The following NRROS variants were observed in gnomAD, a reference collection of about 807,000 sequenced individuals.
NRROS encodes negative regulator of reactive oxygen species, also known as transforming growth factor beta activator LRRC33.
Under a neutral mutation model 12.0 loss-of-function variants are expected in NRROS, and 6 were observed. That is an observed-to-expected ratio of 0.50 (90% CI 0.27 to 0.98). The LOEUF (loss-of-function observed/expected upper bound fraction) is 0.98. Among genes scored for constraint, NRROS ranks in the 50% least tolerant of loss-of-function variants. The pLI is 0.11. For missense variants in NRROS, 857 were observed against 888.2 expected, an observed-to-expected ratio of 0.96 and a Z score of 0.45; for synonymous variants, 462 against 410.2, an observed-to-expected ratio of 1.13 and a Z score of -1.53.
chr3:196,649,360 G>A (rs954828350), intron 1 of NRROS, among the ~76,000 whole-genome samples: 1 of 152,142 alleles, frequency 6.6e-6, no homozygotes, highest in Non-Finnish European at 1.5e-5. Context: ...GCCTCCATCC[G>A]GCACCGTGTG....
chr3:196,660,222 C>T lies in NRROS; in HGVS notation c.579C>T (p.Ile193=), dbSNP rs575336335. ...AGCTGGATCTGCAGAGGAACTACAT[C>T]TTCGAGATCGAGGGCGGCGCTTTCG... ...LRELDLQRNY[I]FEIEGGAFDG... The change falls in exon 3 of 3, where the codon ATC becomes ATT. Residue 193 remains isoleucine, a synonymous_variant. Transcript: ENST00000328557. The surrounding 1 kb of genome is among the most constrained non-coding windows in gnomAD (Gnocchi z 7.7). 14 of 1,613,608 alleles carry T rather than the reference C, an allele frequency of 8.7e-6. No individual in the cohort carries two copies. In the East Asian group the frequency reaches 2.9e-4, roughly 33 times the overall value.
intron 1 of NRROS, 141 bp downstream of exon 1, chr3:196,640,016 T>C (rs1350620737): frequency 6.6e-6 from 1 of 152,418 alleles, no homozygotes; most frequent in African/African-American, 2.4e-5. Context: ...TGTGGCTTGC[T>C]GCGTCCAAGC....
At position 196,660,821 on chromosome 3, in the gene NRROS, T is replaced by G; in HGVS notation, c.1178T>G (p.Leu393Arg). Residue 393 changes from leucine (L) to arginine (R), a missense_variant, in exon 3 of 3, where the codon CTG becomes CGG. Transcript: ENST00000328557. This position sits in a 1 kb window ranked among gnomAD's most constrained non-coding sequence, Gnocchi z 7.7. ...CACAACCAGCTGTCGGAGCTGCACCTGGCTCCGGGGCTGGCCAGCTGCCTG... is the reference window on the plus strand; with the variant it reads ...CACAACCAGCTGTCGGAGCTGCACCGGGCTCCGGGGCTGGCCAGCTGCCTG... ...LSHNQLSELH[L>R]APGLASCLGS... 1 of 1,613,694 alleles carries G rather than the reference T, an allele frequency of 6.2e-7. No individual in the cohort carries two copies. The highest frequency in any genetic ancestry group is 8.5e-7 in the Non-Finnish European group (1 of 1,180,036).
At chr3:196,647,551 G>A (rs983811655) in intron 1 of NRROS, among the ~76,000 whole-genome samples, 2 of 152,042 alleles carry the variant, frequency 1.3e-5, no homozygotes, top group Non-Finnish European at 2.9e-5. Context: ...GATCACAATC[G>A]GTTCTTTGCT....
chr3:196,640,258 C>A (rs975286251), intron 1 of NRROS, among the ~76,000 whole-genome samples: 2 of 152,204 alleles, frequency 1.3e-5, no homozygotes, highest in African/African-American at 4.8e-5. Context: ...GATGCTCCCT[C>A]CCTGGGCTGG....
At chr3:196,645,847 A>G (rs540699735) in intron 1 of NRROS, among the ~76,000 whole-genome samples, 1 of 152,188 alleles carries the variant, frequency 6.6e-6, no homozygotes, top group East Asian at 1.9e-4. Context: ...CACACGCTGC[A>G]GCTCCCAGGG....
Position 196,654,984 on chromosome 3 carries a change from C to T in NRROS, c.108+337C>T, listed in dbSNP as rs2108640774. 1 of 228,396 alleles carries T rather than the reference C, an allele frequency of 4.4e-6. No individual in the cohort carries two copies. The highest frequency in any genetic ancestry group is 6.7e-5 in the South Asian group (1 of 14,934). The allele number at this position is 228,396 out of a possible 1,614,324, so 14.1% of individuals were successfully genotyped here. A position where few individuals can be genotyped will look rare whatever the true frequency, so the allele number is the denominator to read the frequency against. On this transcript the variant is annotated intron_variant, in intron 2 of 2. Transcript: ENST00000328557. The surrounding 1 kb of genome is among the most constrained non-coding windows in gnomAD (Gnocchi z 4.4). ...GGGTGCAGTGGCTCAGGCCTGTAAT[C>T]CCAGCACTTTAGGAGGCCGAGGCAG...
chr3:196,659,887 C>G lies in NRROS; in HGVS notation c.244C>G (p.Leu82Val). The change falls in exon 3 of 3, where the codon CTC becomes GTC. Residue 82 changes from leucine (L) to valine (V), a missense_variant. By Grantham distance (32) the Leu-to-Val change is conservative (BLOSUM62 1). Transcript: ENST00000328557. ...LWNHSLQPYP[L>V]LESLSLHSCH... ...GAATCACTCCCTCCAGCCTTACCCT[C>G]TCCTGGAGAGCCTCAGCCTGCACAG... is the stretch of plus-strand genomic sequence containing the variant. 4 of 1,614,176 alleles carry G rather than the reference C, an allele frequency of 2.5e-6. No individual in the cohort carries two copies. Among genetic ancestry groups the G allele is most frequent in the Non-Finnish European group, 3.4e-6 (4 of 1,180,004 alleles).
rs750164907 is a variant in NRROS, at chr3:196,661,734, G to A, written c.*12G>A. On this transcript the variant is annotated 3_prime_UTR_variant, in exon 3 of 3. Transcript: ENST00000328557. ...CCTCCGTTTACTGACCTGGCTGTGT[G>A]CCAAGACTCGAAATTCGGTCCGCAC... 21 of 1,571,258 alleles carry A rather than the reference G, an allele frequency of 1.3e-5. No individual in the cohort carries two copies. The Admixed American group carries it at 3.4e-4, about 26-fold the overall frequency.
chr3:196,651,628 G>A (rs1210371210), intron 1 of NRROS, among the ~76,000 whole-genome samples: 5 of 152,132 alleles, frequency 3.3e-5, no homozygotes, highest in African/African-American at 4.8e-5. Context: ...TTAGCCAGGC[G>A]TGGTGGCGTG....
chr3:196,650,047 C>T (rs1032680855), intron 1 of NRROS, among the ~76,000 whole-genome samples: 2 of 152,110 alleles, frequency 1.3e-5, no homozygotes, highest in African/African-American at 4.8e-5. Context: ...TCACTCTGGC[C>T]GGGATAACAA....
chr3:196,658,636 C>G (rs1026039183), intron 2 of NRROS, among the ~76,000 whole-genome samples: 1 of 152,182 alleles, frequency 6.6e-6, no homozygotes, highest in African/African-American at 2.4e-5. Context: ...TAAACTTGTG[C>G]AAACGAATGC....
At chr3:196,657,136 C>T (rs1289939419) in intron 2 of NRROS, among the ~76,000 whole-genome samples, 2 of 150,710 alleles carry the variant, frequency 1.3e-5, no homozygotes, top group Non-Finnish European at 3.0e-5. Context: ...CCAGGGAGGC[C>T]GAGGTTGCAG....
At chr3:196,656,110 T>C (rs1737533292) in intron 2 of NRROS, among the ~76,000 whole-genome samples, 1 of 152,020 alleles carries the variant, frequency 6.6e-6, no homozygotes, top group Non-Finnish European at 1.5e-5. Flanking sequence ...GAGGTTGCAG[T>C]GAGCTGACAT....
In NRROS at chr3:196,654,523, A is replaced by G; in HGVS notation, c.-13-4A>G. On this transcript the variant is annotated splice_polypyrimidine_tract_variant and splice_region_variant and intron_variant, in intron 1 of 2. Coordinates refer to ENST00000328557, the MANE Select transcript of NRROS (RefSeq NM_198565.3). This position sits in a 1 kb window ranked among gnomAD's most constrained non-coding sequence, Gnocchi z 4.4. ...CTTACCTCTTCCCTGCTCTCTGTCCACAGGGCTGCCCTTGAGATGGAGTTG... is the reference window on the plus strand; with the variant it reads ...CTTACCTCTTCCCTGCTCTCTGTCCGCAGGGCTGCCCTTGAGATGGAGTTG... The G allele has an allele frequency of 6.4e-7, 1 of 1,566,368 alleles. No homozygotes were observed.
intron 2 of NRROS, among the ~76,000 whole-genome samples, chr3:196,655,756 G>A (rs1737527605): frequency 6.6e-6 from 1 of 152,182 alleles, no homozygotes; most frequent in Admixed American, 6.5e-5. Flanking sequence ...CCGGAGCGTG[G>A]ATACCCAAGC....
chr3:196,660,689 G>A lies in NRROS; in HGVS notation c.1046G>A (p.Arg349Lys). 1 of 1,614,162 alleles carries A rather than the reference G, an allele frequency of 6.2e-7. No individual in the cohort carries two copies. Among genetic ancestry groups the A allele is most frequent in the Non-Finnish European group, 8.5e-7 (1 of 1,180,046 alleles). Residue 349 changes from arginine to lysine, a missense_variant, in exon 3 of 3, where the codon AGG becomes AAG. Transcript: ENST00000328557. The surrounding 1 kb of genome is among the most constrained non-coding windows in gnomAD (Gnocchi z 7.7). Reference sequence around the variant, plus strand: ...CAGTACCTGCCAGACGGCTTCCTGAGGAAAATGCCTTCCCTCTCCCACCTG... The same window carrying A: ...CAGTACCTGCCAGACGGCTTCCTGAAGAAAATGCCTTCCCTCTCCCACCTG... ...QFQYLPDGFL[R>K]KMPSLSHLNL...
chr3:196,659,956 G>A lies in NRROS; in HGVS notation c.313G>A (p.Gly105Ser). The A allele has an allele frequency of 6.2e-7, 1 of 1,614,010 alleles. No homozygotes were observed. The highest frequency in any genetic ancestry group is 8.5e-7 in the Non-Finnish European group (1 of 1,179,966). ...RISRGAFQEQ[G>S]HLRSLVLGDN... The stretch of plus-strand genomic sequence containing the variant: ...CAGCCGCGGCGCCTTCCAGGAGCAA[G>A]GTCACCTGCGCAGCCTGGTCCTGGG... The change falls in exon 3 of 3, where the codon GGT (glycine) becomes AGT (serine). Residue 105 changes from glycine to serine, a missense_variant. Gly to Ser is a moderately conservative substitution (Grantham distance 56). Transcript: ENST00000328557.
chr3:196,651,769 A>G (rs1737432841), intron 1 of NRROS, among the ~76,000 whole-genome samples: 2 of 152,220 alleles, frequency 1.3e-5, no homozygotes, highest in South Asian at 4.1e-4. Context: ...TCCGTCTCAA[A>G]AAACAAAACA....
Sources: gnomAD v4.1 joint callset for allele counts (sites outside exome capture counted in the v4.1 genomes callset) on GRCh38, gnomAD v4.1.1 for gene constraint, Gnocchi (gnomAD v3.1) non-coding constraint, MANE v1.5 for transcripts, NCBI Gene and HGNC (gene_info 2026-07-23, HGNC 2026-07-21) for gene names.